BICDL2: variants seen among roughly 807,000 people sequenced by gnomAD.
BICDL2 encodes BICD family-like cargo adapter 2.
BICDL2 carries 62 observed loss-of-function variants against 56.6 expected under a neutral mutation model. The observed-to-expected ratio is 1.10, with a 90% CI of 0.89 to 1.35. The LOEUF (loss-of-function observed/expected upper bound fraction) is 1.35, where lower values mean the gene tolerates loss of function less well. Ranked by LOEUF, BICDL2 falls within the 40% of genes most tolerant of loss-of-function variation. The probability of loss-of-function intolerance (pLI) is 0.00; values close to 1 mark genes in which losing one functional copy is unlikely to be tolerated. For missense variants in BICDL2, 808 were observed against 684.5 expected, an observed-to-expected ratio of 1.18 and a Z score of -2.01; for synonymous variants, 358 against 319.8, an observed-to-expected ratio of 1.12 and a Z score of -1.27.
Position 3,028,249 on chromosome 16 carries a change from G to C in BICDL2, c.1384C>G (p.Gln462Glu). Residue 462 changes from glutamine (Q) to glutamate (E), a missense_variant, in exon 10 of 10, where the codon CAG (glutamine) becomes GAG (glutamate). Transcript: ENST00000572449. Reference sequence around the variant, plus strand: ...TTCTGGCGCTGTGAGCGCAGCTGCTGCCCGATCACCACCTGCATGTCGTCC... The same window carrying C: ...TTCTGGCGCTGTGAGCGCAGCTGCTCCCCGATCACCACCTGCATGTCGTCC... ...WQDDMQVVIG[Q>E]QLRSQRQKEL... is the part of the protein sequence containing the mutation. 1 of 1,477,570 alleles carries C rather than the reference G, an allele frequency of 6.8e-7. No individual in the cohort carries two copies. 91.5% of individuals were successfully genotyped at this position (1,477,570 alleles called of 1,614,324 possible).
Position 3,035,087 on chromosome 16 carries a change from C to T in BICDL2, c.282+128G>A, listed in dbSNP as rs569016659. On this transcript the variant is annotated intron_variant, in intron 2 of 9. Coordinates refer to ENST00000572449, the MANE Select transcript of BICDL2 (RefSeq NM_001369667.1). ...CAGCTCTGACCTGTTCCAAAGTGCCCCCCTCGCCCGGCTGTCCTCCCCAGC... is the reference window on the plus strand; with the variant it reads ...CAGCTCTGACCTGTTCCAAAGTGCCTCCCTCGCCCGGCTGTCCTCCCCAGC... 2.3e-4 allele frequency: 223 copies of T among 975,212 alleles called. No homozygotes were observed. The East Asian group carries it at 5.5e-3, about 24-fold the overall frequency. The allele number at this position is 975,212 out of a possible 1,614,324, so 60.4% of individuals were successfully genotyped here. A position where few individuals can be genotyped will look rare whatever the true frequency, so the allele number is the denominator to read the frequency against.
At position 3,028,011 on chromosome 16, in the gene BICDL2, T is replaced by C; in HGVS notation, c.*95A>G. On this transcript the variant is annotated 3_prime_UTR_variant, in exon 10 of 10. Transcript: ENST00000572449. ...ATCCTGGGGCGGGGAGGGCATCAGC[T>C]TCTTTTGGAAGACAATCTGGGCCCT... 1.5e-6 allele frequency: 2 copies of C among 1,368,556 alleles called. No homozygotes were observed. Among genetic ancestry groups the C allele is most frequent in the East Asian group, 3.0e-5 (1 of 33,566 alleles). The allele number at this position is 1,368,556 out of a possible 1,614,324, so 84.8% of individuals were successfully genotyped here.
At position 3,030,919 on chromosome 16, in the gene BICDL2, G is replaced by A. The variant is rs777239124; in HGVS notation, c.498+16C>T. The A allele has an allele frequency of 4.5e-6, 7 of 1,544,196 alleles. No homozygotes were observed. The Admixed American group carries it at 9.7e-5, about 21-fold the overall frequency. ...CCCCAACCTTGTCCAGGGCCCTGGG[G>A]TCAGGGCCATCCCACCTGAGCCAGC... On this transcript the variant is annotated intron_variant, in intron 3 of 9. Transcript: ENST00000572449.
rs760798005 is a variant in BICDL2, at chr16:3,035,428, G to C, written c.69C>G (p.Asp23Glu). Residue 23 changes from aspartate to glutamate, a missense_variant, in exon 2 of 10, where the codon GAC becomes GAG. By Grantham distance (45) the Asp-to-Glu change is conservative (BLOSUM62 2). Transcript: ENST00000572449. ...CCAGCACAAAGGGGAAGAAGCCCTC[G>C]TCGCCGCTGGGAGAGGCGCCCCCTG... is the stretch of plus-strand genomic sequence containing the variant. ...PLSGGASPSG[D>E]EGFFPFVLER... 3.7e-5 allele frequency: 60 copies of C among 1,612,314 alleles called. No individual in the cohort carries two copies. The highest frequency in any genetic ancestry group is 4.9e-5 in the Non-Finnish European group (58 of 1,179,820).
chr16:3,031,191 C>G (rs1024103894), intron 2 of BICDL2, 41 bp from the exon 3 acceptor site: 2 of 1,502,558 alleles, frequency 1.3e-6, no homozygotes, highest in African/African-American at 2.8e-5. Flanking sequence ...AGAGAGGCAC[C>G]GATGAGACTG....
chr16:3,030,761 G>C lies in BICDL2; in HGVS notation c.550C>G (p.Gln184Glu). The change falls in exon 4 of 10, where the codon CAG becomes GAG. Residue 184 changes from glutamine to glutamate, a missense_variant. By Grantham distance (29) the Gln-to-Glu change is conservative (BLOSUM62 2). Transcript: ENST00000572449. Reference protein sequence around the residue: ...LQRELDALRGQCQAQALAGAE... With the variant: ...LQRELDALRGECQAQALAGAE... The stretch of plus-strand genomic sequence containing the variant: ...CCAGCCAGTGCCTGAGCCTGGCACT[G>C]TCCCCGAAGGGCGTCCAGTTCCCTC... 2 of 1,612,626 alleles carry C rather than the reference G, an allele frequency of 1.2e-6. No individual in the cohort carries two copies. Among genetic ancestry groups the C allele is most frequent in the Non-Finnish European group, 1.7e-6 (2 of 1,179,754 alleles).
At position 3,027,805 on chromosome 16, in the gene BICDL2, T is replaced by C; in HGVS notation, c.*301A>G. On this transcript the variant is annotated 3_prime_UTR_variant, in exon 10 of 10. Transcript: ENST00000572449. ...CAAATCGGTGGAGTGATTTATATAT[T>C]ACTCTGTCCGATCTTGATACATAAA... is the stretch of plus-strand genomic sequence containing the variant. The C allele has an allele frequency of 1.1e-6, 1 of 922,492 alleles. No individual in the cohort carries two copies. Among genetic ancestry groups the C allele is most frequent in the Non-Finnish European group, 1.6e-6 (1 of 632,426 alleles). The allele number at this position is 922,492 out of a possible 1,614,324, so 57.1% of individuals were successfully genotyped here.
chr16:3,029,745 G>T lies in BICDL2; in HGVS notation c.763-6C>A. The T allele has an allele frequency of 1.3e-6, 2 of 1,487,866 alleles. No homozygotes were observed. The highest frequency in any genetic ancestry group is 1.8e-6 in the Non-Finnish European group (2 of 1,127,508). The allele number at this position is 1,487,866 out of a possible 1,614,324, so 92.2% of individuals were successfully genotyped here. A position where few individuals can be genotyped will look rare whatever the true frequency, so the allele number is the denominator to read the frequency against. Reference sequence around the variant, plus strand: ...TCTGACCGTGCGCGTTCCAGCTGTGGACGGTCCCGCAGACGGAAGCGCGGG... The same window carrying T: ...TCTGACCGTGCGCGTTCCAGCTGTGTACGGTCCCGCAGACGGAAGCGCGGG... On this transcript the variant is annotated splice_polypyrimidine_tract_variant and splice_region_variant and intron_variant, in intron 5 of 9. Coordinates refer to ENST00000572449, the MANE Select transcript of BICDL2 (RefSeq NM_001369667.1).
rs1325370196 is a variant in BICDL2, at chr16:3,029,313, C to G, written c.1074G>C (p.Glu358Asp). Reference protein sequence around the residue: ...TSLSPAEILEEKEVEVAKLQD... With the variant: ...TSLSPAEILEDKEVEVAKLQD... ...GCAGCTTGGCCACTTCCACCTCCTT[C>G]TCCTCCAGTATCTCCGCTGGACTGA... The change falls in exon 7 of 10, where the codon GAG (glutamate) becomes GAC (aspartate). Residue 358 changes from glutamate to aspartate, a missense_variant. Coordinates refer to ENST00000572449, the MANE Select transcript of BICDL2 (RefSeq NM_001369667.1). 1.9e-6 allele frequency: 3 copies of G among 1,611,768 alleles called. No individual in the cohort carries two copies. Among genetic ancestry groups the G allele is most frequent in the Admixed American group, 1.7e-5 (1 of 59,844 alleles).
rs1555499254 is a variant in BICDL2 at position 3,030,551 on chromosome 16, G to C, written c.660C>G (p.Ile220Met). 1 of 1,598,632 alleles carries C rather than the reference G, an allele frequency of 6.3e-7. No homozygotes were observed. ...TCTCCACCTCCTCACGCAGGCCTCG[G>C]ATCTGGGCCTCCAGGTCCTGCCGGC... The part of the protein sequence containing the change: ...QSRRQDLEAQ[I>M]RGLREEVEKG... Residue 220 changes from isoleucine (I) to methionine (M), a missense_variant, in exon 5 of 10, where the codon ATC (isoleucine) becomes ATG (methionine). By Grantham distance (10) the Ile-to-Met change is conservative. Coordinates refer to ENST00000572449, the MANE Select transcript of BICDL2 (RefSeq NM_001369667.1).
chr16:3,035,833 TCCCAGAA>T (rs1396916347), intron 1 of BICDL2: 1 of 373,820 alleles, frequency 2.7e-6, no homozygotes, highest in Non-Finnish European at 4.9e-6. Context: ...TCCCCTCTCT[TCCCAGAA>T]CCCAGCAGTT....
intron 1 of BICDL2, chr16:3,036,154 C>G (rs1247252518): frequency 2.4e-6 from 1 of 415,582 alleles, no homozygotes; most frequent in Non-Finnish European, 4.7e-6. Flanking sequence ...CCACCCCAGT[C>G]CCCATTTTCC....
In BICDL2 at chr16:3,029,309, CCTT is replaced by C. The variant is rs781275864; in HGVS notation, c.1075_1077del (p.Lys359del). ...TCTTGCAGCTTGGCCACTTCCACCT[CCTT>C]CTCCTCCAGTATCTCCGCTGGACTG... On this transcript the variant is annotated inframe_deletion, in exon 7 of 10. Coordinates refer to ENST00000572449, the MANE Select transcript of BICDL2 (RefSeq NM_001369667.1). The C allele has an allele frequency of 7.0e-5, 113 of 1,611,716 alleles. 2 individuals are homozygous for C. Among genetic ancestry groups the C allele is most frequent in the Middle Eastern group, 4.9e-4 (3 of 6,082 alleles).
chr16:3,030,459 T>C lies in BICDL2; in HGVS notation c.752A>G (p.His251Arg), dbSNP rs1555499236. The change falls in exon 5 of 10, where the codon CAC (histidine) becomes CGC (arginine). Residue 251 changes from histidine to arginine, a missense_variant. By Grantham distance (29) the His-to-Arg change is conservative. Coordinates refer to ENST00000572449, the MANE Select transcript of BICDL2 (RefSeq NM_001369667.1). ...LLLLRRERRE[H>R]SLELERARSE... ...AGCCCTGCAGGTCACCTCCAGGCTG[T>C]GCTCCCGCCGCTCCCGCCTCAGCAG... The C allele has an allele frequency of 1.2e-5, 19 of 1,593,898 alleles. No homozygotes were observed. The highest frequency in any genetic ancestry group is 1.6e-5 in the Non-Finnish European group (19 of 1,175,984).
rs1199689554 is a variant in BICDL2 at position 3,030,456 on chromosome 16, C to T, written c.755G>A (p.Ser252Asn). The change falls in exon 5 of 10, where the codon AGC (serine) becomes AAC (asparagine). Residue 252 changes from serine to asparagine, a missense_variant. Physicochemically the swap from Ser to Asn is conservative, Grantham distance 46. Coordinates refer to ENST00000572449, the MANE Select transcript of BICDL2 (RefSeq NM_001369667.1). ...CCCAGCCCTGCAGGTCACCTCCAGG[C>T]TGTGCTCCCGCCGCTCCCGCCTCAG... ...LLLRRERREH[S>N]LELERARSEA... 1 of 1,595,422 alleles carries T rather than the reference C, an allele frequency of 6.3e-7. No homozygotes were observed. The highest frequency in any genetic ancestry group is 1.1e-5 in the South Asian group (1 of 89,678).
At chr16:3,028,494 G>T in intron 8 of BICDL2, 26 bp from the exon 9 acceptor site, 1 of 1,569,420 alleles carries the variant, frequency 6.4e-7, no homozygotes. Flanking sequence ...CAGAAGACGC[G>T]TTTGAGGGCG....
rs540888516 is a variant in BICDL2, at chr16:3,035,468, G to A, written c.29C>T (p.Pro10Leu). The A allele has an allele frequency of 3.5e-5, 56 of 1,611,366 alleles. 1 individual carries two copies. The highest frequency in any genetic ancestry group is 7.7e-5 in the South Asian group (7 of 91,022). Reference protein sequence around the residue: MSSPDGPSFPSGPLSGGASP... With the variant: MSSPDGPSFLSGPLSGGASP... ...GGCGCCCCCTGAGAGCGGCCCGGAC[G>A]GGAAGCTGGGCCCATCTGGAGAGCT... Residue 10 changes from proline (P) to leucine (L), a missense_variant, in exon 2 of 10, where the codon CCG becomes CTG. Transcript: ENST00000572449.
At chr16:3,035,190 C>T (rs1427598789) in intron 2 of BICDL2, 25 bp downstream of exon 2, 2 of 257,700 alleles carry the variant, frequency 7.8e-6, no homozygotes, top group Non-Finnish European at 1.6e-5. Context: ...CACCCACCCA[C>T]CCACCCCGTC....
intron 2 of BICDL2, chr16:3,032,106 G>C: frequency 6.6e-6 from 1 of 152,128 alleles, no homozygotes; most frequent in Admixed American, 6.6e-5. Context: ...AAATTTTTTT[G>C]TTTTCTTAGG....
Sources: allele counts gnomAD v4.1 joint callset, GRCh38; gene constraint gnomAD v4.1.1; transcripts MANE v1.5; gene names NCBI Gene and HGNC (gene_info 2026-07-23, HGNC 2026-07-21).